The following SGCZ variants were observed in gnomAD, a reference collection of about 807,000 sequenced individuals.
SGCZ encodes zeta-sarcoglycan.
A neutral mutation model predicts 41.3 loss-of-function variants in SGCZ; 40 were observed. The observed-to-expected ratio is 0.97, with a 90% CI of 0.75 to 1.26. The LOEUF is 1.26. Ranked by LOEUF, SGCZ falls within the 50% of genes most tolerant of loss-of-function variation. The pLI is 0.00. For missense variants in SGCZ, 552 were observed against 369.8 expected, an observed-to-expected ratio of 1.49 and a Z score of -4.04; for synonymous variants, 206 against 137.5, an observed-to-expected ratio of 1.50 and a Z score of -3.49.
At chr8:14,452,500 A>G (rs1585533741) in intron 2 of SGCZ, among the ~76,000 whole-genome samples, 1 of 151,992 alleles carries the variant, frequency 6.6e-6, no homozygotes, top group Non-Finnish European at 1.5e-5. Flanking sequence ...TAATAATAAT[A>G]ATAATAAAAT....
chr8:14,990,054 C>A (rs1290756558), intron 1 of SGCZ, among the ~76,000 whole-genome samples: 2 of 152,098 alleles, frequency 1.3e-5, no homozygotes, highest in Admixed American at 6.5e-5. Context: ...TTGCTGATAA[C>A]CAATGCCTTA....
chr8:14,514,358 A>G (rs1247489734), intron 2 of SGCZ, among the ~76,000 whole-genome samples: 1 of 152,050 alleles, frequency 6.6e-6, no homozygotes, highest in Non-Finnish European at 1.5e-5. Flanking sequence ...TACTTGAATA[A>G]CAAACTACTT....
rs565347608 is a variant in SGCZ at position 15,027,339 on chromosome 8, T to G, written c.39+210246A>C. On this transcript the variant is annotated intron_variant, in intron 1 of 7. Transcript: ENST00000382080. ...TTAATCAACAACCCAGTGCTTTATT[T>G]AATACAGATGGGAAAGTTATTTCAG... Among the ~76,000 whole-genome samples the G allele has an allele frequency of 2.9e-4, 44 of 152,222 alleles. No individual in the cohort carries two copies. The South Asian group carries it at 3.3e-3, about 11-fold the overall frequency.
At chr8:14,410,402 A>G (rs1423297053) in intron 2 of SGCZ, among the ~76,000 whole-genome samples, 1 of 151,174 alleles carries the variant, frequency 6.6e-6, no homozygotes, top group African/African-American at 2.4e-5. Context: ...TAATTTAAGA[A>G]AAAAAAAAAC....
At chr8:14,790,745 A>C (rs1800923183) in intron 1 of SGCZ, among the ~76,000 whole-genome samples, 1 of 152,170 alleles carries the variant, frequency 6.6e-6, no homozygotes, top group Admixed American at 6.5e-5. Context: ...AGAAAATAGT[A>C]TACAGCCAGG....
At position 14,505,655 on chromosome 8, in the gene SGCZ, AT is replaced by A. The variant is rs1280825668; in HGVS notation, c.234+49076del. On this transcript the variant is annotated intron_variant, in intron 2 of 7. Transcript: ENST00000382080. ...ATCTACAATTGTTCTCTAGGACAGAATTTAAAAGATAAACCAGCAGGACATG... is the reference window on the plus strand; with the variant it reads ...ATCTACAATTGTTCTCTAGGACAGAATTAAAAGATAAACCAGCAGGACATG... Among the ~76,000 whole-genome samples, 7 of 152,280 alleles carry A rather than the reference AT, an allele frequency of 4.6e-5. No individual in the cohort carries two copies. The South Asian group carries it at 1.4e-3, about 32-fold the overall frequency.
chr8:14,553,630 T>G (rs1415906349), intron 2 of SGCZ, among the ~76,000 whole-genome samples: 2 of 152,066 alleles, frequency 1.3e-5, no homozygotes, highest in African/African-American at 2.4e-5. Context: ...ACAGGCTCCT[T>G]GCTCACATAA....
intron 1 of SGCZ, among the ~76,000 whole-genome samples, chr8:15,129,852 A>T (rs181046356): frequency 3.3e-5 from 5 of 152,168 alleles, no homozygotes; most frequent in African/African-American, 4.8e-5. Flanking sequence ...CTTCTGCTCC[A>T]CGTCCTCTGT....
intron 4 of SGCZ, among the ~76,000 whole-genome samples, chr8:14,219,550 C>A (rs1806118367): frequency 6.6e-6 from 1 of 152,108 alleles, no homozygotes; most frequent in Admixed American, 6.5e-5. Context: ...AGTTCGAGAC[C>A]AGCCTGGCCA....
At chr8:14,933,638 G>C (rs975676613) in intron 1 of SGCZ, among the ~76,000 whole-genome samples, 8 of 151,664 alleles carry the variant, frequency 5.3e-5, no homozygotes, top group Non-Finnish European at 7.4e-5. Context: ...TTTTTTAGTA[G>C]AGATGGGGTT....
At chr8:15,150,052 G>A (rs1233636724) in intron 1 of SGCZ, among the ~76,000 whole-genome samples, 1 of 150,842 alleles carries the variant, frequency 6.6e-6, no homozygotes, top group Admixed American at 6.7e-5. Flanking sequence ...AGCCACCTGT[G>A]CAAAATATTC....
chr8:14,729,685 G>C (rs1420066903), intron 1 of SGCZ, among the ~76,000 whole-genome samples: 1 of 150,144 alleles, frequency 6.7e-6, no homozygotes, highest in East Asian at 2.0e-4. Context: ...TCAATCTGTT[G>C]TTTAAGTAAC....
intron 1 of SGCZ, among the ~76,000 whole-genome samples, chr8:14,944,790 C>G (rs1800387257): frequency 6.6e-6 from 1 of 152,114 alleles, no homozygotes; most frequent in African/African-American, 2.4e-5. Context: ...GACTTGACCC[C>G]ATTTTAAGTC....
chr8:14,206,757 G>A (rs919804238), intron 4 of SGCZ, among the ~76,000 whole-genome samples: 2 of 152,156 alleles, frequency 1.3e-5, no homozygotes, highest in African/African-American at 2.4e-5. Flanking sequence ...CCTGCTGTTA[G>A]GAATGGCCAT....
chr8:15,124,754 G>C (rs1193804103), intron 1 of SGCZ, among the ~76,000 whole-genome samples: 4 of 152,072 alleles, frequency 2.6e-5, no homozygotes, highest in Non-Finnish European at 5.9e-5. Flanking sequence ...GCCAAAGGGG[G>C]AACATAAGAT....
At chr8:15,009,494 G>C (rs531938877) in intron 1 of SGCZ, among the ~76,000 whole-genome samples, 7 of 152,290 alleles carry the variant, frequency 4.6e-5, no homozygotes, top group African/African-American at 1.4e-4. Flanking sequence ...AGAAGGTTTA[G>C]ACAGAGCCAG....
In SGCZ at chr8:14,286,839, T is replaced by C. The variant is rs1446956262; in HGVS notation, c.336+37264A>G. On this transcript the variant is annotated intron_variant, in intron 3 of 7. Transcript: ENST00000382080. The stretch of plus-strand genomic sequence containing the variant: ...TTGTTTCTAGAAAGATTGAAGCAAT[T>C]TGTATTCCCATTAGTACTTTTTGAG... 3.3e-5 allele frequency among the ~76,000 whole-genome samples: 5 copies of C among 152,230 alleles called. No homozygotes were observed. The East Asian group carries it at 9.6e-4, about 29-fold the overall frequency.
At chr8:14,429,561 C>T (rs1161821502) in intron 2 of SGCZ, among the ~76,000 whole-genome samples, 1 of 152,170 alleles carries the variant, frequency 6.6e-6, no homozygotes, top group Non-Finnish European at 1.5e-5. Flanking sequence ...AAGAAATGTC[C>T]ACTCACAACC....
At chr8:15,165,417 T>C (rs1290201402) in intron 1 of SGCZ, among the ~76,000 whole-genome samples, 5 of 152,160 alleles carry the variant, frequency 3.3e-5, no homozygotes, top group Non-Finnish European at 5.9e-5. Flanking sequence ...ACATGCAACA[T>C]GCGGGTCAGA....
Sources: gnomAD v4.1 joint callset for allele counts (sites outside exome capture counted in the v4.1 genomes callset) on GRCh38, gnomAD v4.1.1 for gene constraint, MANE v1.5 for transcripts, NCBI Gene and HGNC (gene_info 2026-07-23, HGNC 2026-07-21) for gene names.